The following SLC36A2 variants were observed in gnomAD, a reference collection of about 807,000 sequenced individuals.
SLC36A2 encodes the protein proton-coupled amino acid transporter 2.
A neutral mutation model predicts 42.7 loss-of-function variants in SLC36A2; 39 were observed. The ratio of observed to expected loss-of-function variants is 0.91; its 90% CI spans 0.71 to 1.19. The LOEUF is 1.19. Ranked by LOEUF, SLC36A2 falls within the 50% of genes most tolerant of loss-of-function variation. SLC36A2 has a pLI of 0.00. For missense variants in SLC36A2, 590 were observed against 613.7 expected (o/e 0.96, Z 0.41); for synonymous variants, 237 against 240.8 (o/e 0.98, Z 0.15).
intron 2 of SLC36A2, 78 bp downstream of exon 2, chr5:151,344,099 G>C: frequency 7.5e-7 from 1 of 1,334,160 alleles, no homozygotes; most frequent in Non-Finnish European, 1.1e-6. Flanking sequence ...ACCACAGGTT[G>C]CTAAACCGCT....
rs369973376 is a variant in SLC36A2, at chr5:151,316,913, G to A, written c.1356C>T (p.Phe452=). 2.8e-5 allele frequency: 45 copies of A among 1,614,092 alleles called. No homozygotes were observed. The highest frequency in any genetic ancestry group is 2.5e-4 in the East Asian group (11 of 44,866). Residue 452 remains phenylalanine (F), a synonymous_variant, in exon 10 of 10, where the codon TTC becomes TTT. Coordinates refer to ENST00000335244, the MANE Select transcript of SLC36A2 (RefSeq NM_181776.3). ...GGTAGGTCCCCACCACAAAGCCCAC[G>A]AAGCCCAGGATGCTGATCAGGGCGT... is the stretch of plus-strand genomic sequence containing the variant. The part of the protein sequence containing the change: ...FKDALISILG[F]VGFVVGTYQA...
intron 8 of SLC36A2, among the ~76,000 whole-genome samples, chr5:151,322,439 T>C (rs751612671): frequency 6.6e-5 from 10 of 152,228 alleles, no homozygotes; most frequent in Admixed American, 3.3e-4. Flanking sequence ...GGGTCATTTC[T>C]AAATGAAATA....
chr5:151,316,924 T>G lies in SLC36A2; in HGVS notation c.1345A>C (p.Ile449Leu). The G allele has an allele frequency of 6.2e-7, 1 of 1,614,006 alleles. No homozygotes were observed. Among genetic ancestry groups the G allele is most frequent in the Non-Finnish European group, 8.5e-7 (1 of 1,179,974 alleles). The change falls in exon 10 of 10, where the codon ATC becomes CTC. Residue 449 changes from isoleucine (I) to leucine (L), a missense_variant. Coordinates refer to ENST00000335244, the MANE Select transcript of SLC36A2 (RefSeq NM_181776.3). ...ACCACAAAGCCCACGAAGCCCAGGA[T>G]GCTGATCAGGGCGTCCTTGAAGATG... Reference protein sequence around the residue: ...LTIFKDALISILGFVGFVVGT... With the variant: ...LTIFKDALISLLGFVGFVVGT...
In SLC36A2 at chr5:151,347,500, T is replaced by A; in HGVS notation, c.-40A>T. 2 of 1,611,048 alleles carry A rather than the reference T, an allele frequency of 1.2e-6. No homozygotes were observed. Among genetic ancestry groups the A allele is most frequent in the Non-Finnish European group, 1.7e-6 (2 of 1,178,852 alleles). ...CAAGGAGCTCGGGGTGACAAAGAGGTCTGCTCTGGAAGGAGGGAAGCAGGA... is the reference window on the plus strand; with the variant it reads ...CAAGGAGCTCGGGGTGACAAAGAGGACTGCTCTGGAAGGAGGGAAGCAGGA... On this transcript the variant is annotated 5_prime_UTR_variant, in exon 1 of 10. Transcript: ENST00000335244.
intron 1 of SLC36A2, among the ~76,000 whole-genome samples, chr5:151,345,119 C>G (rs1300929427): frequency 2.0e-5 from 3 of 152,186 alleles, no homozygotes; most frequent in African/African-American, 7.2e-5. Context: ...TCCAGGGAGG[C>G]ACTCTATTAG....
chr5:151,332,680 G>T (rs1756031485), intron 7 of SLC36A2, among the ~76,000 whole-genome samples: 1 of 152,188 alleles, frequency 6.6e-6, no homozygotes, highest in South Asian at 2.1e-4. Context: ...TACAGGCAGA[G>T]AACAGAAGGA....
chr5:151,339,054 C>T lies in SLC36A2; in HGVS notation c.525+6G>A, dbSNP rs1756243443. On this transcript the variant is annotated splice_donor_region_variant and intron_variant, in intron 5 of 9. Coordinates refer to ENST00000335244, the MANE Select transcript of SLC36A2 (RefSeq NM_181776.3). ...TTCCCCTCCCGTTTTCTCTAGAAGC[C>T]TCTACCTGTTTTAAATTATCAGCCA... 1.2e-6 allele frequency: 2 copies of T among 1,605,478 alleles called. No individual in the cohort carries two copies. The highest frequency in any genetic ancestry group is 1.7e-5 in the Admixed American group (1 of 59,814).
chr5:151,336,647 G>A (rs1756165442), intron 5 of SLC36A2, among the ~76,000 whole-genome samples: 2 of 151,870 alleles, frequency 1.3e-5, no homozygotes, highest in Non-Finnish European at 2.9e-5. Flanking sequence ...CCCACTGAAA[G>A]CCATGAGCAT....
At chr5:151,341,833 A>AC (rs1185765747) in intron 4 of SLC36A2, among the ~76,000 whole-genome samples, 1 of 152,104 alleles carries the variant, frequency 6.6e-6, no homozygotes, top group East Asian at 1.9e-4. Context: ...TTTCTCAGGC[A>AC]CCCCAAACTC....
At chr5:151,322,239 C>T (rs778554546) in intron 8 of SLC36A2, 24 bp from the exon 9 acceptor site, 5 of 1,612,936 alleles carry the variant, frequency 3.1e-6, no homozygotes, top group South Asian at 1.1e-5. Flanking sequence ...CACAGAGCTG[C>T]TCTCCACGGC....
intron 5 of SLC36A2, among the ~76,000 whole-genome samples, chr5:151,335,932 G>A (rs1461158193): frequency 6.6e-6 from 1 of 151,436 alleles, no homozygotes; most frequent in Non-Finnish European, 1.5e-5. Flanking sequence ...GGAGGCTGAG[G>A]CACAAGAATC....
At chr5:151,325,155 A>G in intron 8 of SLC36A2, 131 bp downstream of exon 8, 1 of 1,089,762 alleles carries the variant, frequency 9.2e-7, no homozygotes, top group Non-Finnish European at 1.4e-6. Context: ...CCGTGGTTCC[A>G]ATGACAATTC....
intron 5 of SLC36A2, 102 bp from the exon 6 acceptor site, chr5:151,335,649 G>A (rs1756134758): frequency 1.1e-6 from 1 of 870,372 alleles, no homozygotes; most frequent in Non-Finnish European, 2.0e-6. Context: ...CACAGTGAAT[G>A]GGAGTGTCCC....
At chr5:151,340,153 G>A (rs1051086069) in intron 4 of SLC36A2, among the ~76,000 whole-genome samples, 5 of 115,452 alleles carry the variant, frequency 4.3e-5, no homozygotes, top group Non-Finnish European at 8.0e-5. Context: ...GGAGGAGAAG[G>A]AGGAGGAAGA....
intron 7 of SLC36A2, among the ~76,000 whole-genome samples, chr5:151,326,577 G>T (rs1755856408): frequency 6.6e-6 from 1 of 152,154 alleles, no homozygotes; most frequent in African/African-American, 2.4e-5. Flanking sequence ...GGTTCTAAGA[G>T]AATCCAAGTT....
intron 5 of SLC36A2, among the ~76,000 whole-genome samples, 175 bp from the exon 6 acceptor site, chr5:151,335,722 A>G (rs570887075): frequency 2.9e-4 from 44 of 152,284 alleles, no homozygotes; most frequent in African/African-American, 1.0e-3. Context: ...CCTCTACACC[A>G]TACTACCTCA....
intron 7 of SLC36A2, among the ~76,000 whole-genome samples, chr5:151,331,882 T>TA (rs1342068021): frequency 6.6e-6 from 1 of 151,740 alleles, no homozygotes; most frequent in Non-Finnish European, 1.5e-5. Flanking sequence ...TCTTTTTTTT[T>TA]ATGGGACAGA....
At chr5:151,347,057 A>G (rs560759155) in intron 1 of SLC36A2, among the ~76,000 whole-genome samples, 11 of 152,308 alleles carry the variant, frequency 7.2e-5, no homozygotes, top group African/African-American at 1.9e-4. Flanking sequence ...GGTCCAGGGT[A>G]ATTGAGCCTC....
At chr5:151,334,737 G>T (rs995173518) in intron 6 of SLC36A2, among the ~76,000 whole-genome samples, 3 of 152,068 alleles carry the variant, frequency 2.0e-5, no homozygotes, top group African/African-American at 4.8e-5. Context: ...AATTAGAAAG[G>T]ATAGCAAATT....
Sources: gnomAD v4.1 joint callset for allele counts (sites outside exome capture counted in the v4.1 genomes callset) on GRCh38, gnomAD v4.1.1 for gene constraint, MANE v1.5 for transcripts, NCBI Gene and HGNC (gene_info 2026-07-23, HGNC 2026-07-21) for gene names.